The following PSTPIP2 variants were observed in gnomAD, a reference collection of about 807,000 sequenced individuals.
PSTPIP2 encodes proline-serine-threonine phosphatase interacting protein 2, also known as proline-serine-threonine phosphatase-interacting protein 2.
A neutral mutation model predicts 63.3 loss-of-function variants in PSTPIP2; 33 were observed. The ratio of observed to expected loss-of-function variants is 0.52; its 90% CI spans 0.40 to 0.70. PSTPIP2 has a LOEUF of 0.70. PSTPIP2 is among the 30% of genes least tolerant of loss of function. The pLI, the probability that PSTPIP2 is intolerant of heterozygous loss-of-function variation, is 0.00. For synonymous variants in PSTPIP2, 125 were observed against 132.7 expected, an observed-to-expected ratio of 0.94 and a Z score of 0.40; for missense variants, 312 against 400.7, an observed-to-expected ratio of 0.78 and a Z score of 1.89.
intron 2 of PSTPIP2, chr18:46,028,470 T>G (rs1599726711): frequency 1.6e-6 from 1 of 606,352 alleles, no homozygotes; most frequent in Non-Finnish European, 3.2e-6. Context: ...GGCCGTGGAG[T>G]GGTGCCTGGA....
chr18:46,028,768 C>T, intron 2 of PSTPIP2: 1 of 1,065,694 alleles, frequency 9.4e-7, no homozygotes, highest in Non-Finnish European at 1.5e-6. Context: ...AGAATTCCAG[C>T]ATGCCGTGGG....
chr18:46,021,137 G>T (rs1414218883), intron 3 of PSTPIP2, among the ~76,000 whole-genome samples: 3 of 152,154 alleles, frequency 2.0e-5, no homozygotes, highest in East Asian at 1.9e-4. Context: ...TGTCTAAGTT[G>T]ATGTAGTTTG....
chr18:45,987,845 C>T lies in PSTPIP2; in HGVS notation c.*8+857G>A, dbSNP rs78030335. The stretch of plus-strand genomic sequence containing the variant: ...GAGTGCCTAAGAAAAAGTCACCATG[C>T]AGTATATCTTTGCAGCTACAGTTGG... On this transcript the variant is annotated intron_variant, in intron 14 of 14. Coordinates refer to ENST00000409746, the MANE Select transcript of PSTPIP2 (RefSeq NM_024430.4). 7.9e-3 allele frequency among the ~76,000 whole-genome samples: 1,196 copies of T among 152,226 alleles called. 19 individuals are homozygous for T. Among genetic ancestry groups the T allele is most frequent in the African/African-American group, 0.027 (1,133 of 41,530 alleles).
intron 4 of PSTPIP2, among the ~76,000 whole-genome samples, chr18:46,012,583 G>T (rs2051810704): frequency 6.6e-6 from 1 of 152,086 alleles, no homozygotes; most frequent in African/African-American, 2.4e-5. Flanking sequence ...GACCATTCTG[G>T]CAACATGGTG....
chr18:45,998,607 T>C (rs533822275), intron 8 of PSTPIP2, among the ~76,000 whole-genome samples, 187 bp downstream of exon 8: 4 of 152,134 alleles, frequency 2.6e-5, no homozygotes, highest in African/African-American at 9.6e-5. Flanking sequence ...TTCTTTCCTT[T>C]CCTCCCTCCC....
chr18:46,028,952 C>A, intron 2 of PSTPIP2: 1 of 1,201,250 alleles, frequency 8.3e-7, no homozygotes, highest in Non-Finnish European at 1.2e-6. Flanking sequence ...GCTGAACGTC[C>A]TTCTGCTGCT....
At chr18:46,023,376 C>A (rs1485419199) in intron 3 of PSTPIP2, among the ~76,000 whole-genome samples, 1 of 152,082 alleles carries the variant, frequency 6.6e-6, no homozygotes, top group Non-Finnish European at 1.5e-5. Flanking sequence ...GCCTGACCAG[C>A]ATGGAGAAAC....
At chr18:46,042,561 C>CA (rs1908231144) in intron 1 of PSTPIP2, among the ~76,000 whole-genome samples, 2 of 152,130 alleles carry the variant, frequency 1.3e-5, no homozygotes, top group South Asian at 4.1e-4. Flanking sequence ...CATCCCCTCC[C>CA]AAAAAATCTT....
intron 2 of PSTPIP2, among the ~76,000 whole-genome samples, chr18:46,036,994 TAATA>T (rs1908004928): frequency 1.3e-5 from 2 of 152,184 alleles, no homozygotes; most frequent in South Asian, 2.1e-4. Context: ...GAACTCAAAA[TAATA>T]AATAAGGTAT....
At chr18:46,029,671 G>A in intron 2 of PSTPIP2, 1 of 717,338 alleles carries the variant, frequency 1.4e-6, no homozygotes, top group African/African-American at 1.8e-5. Context: ...ATTGGCAATT[G>A]CTTCAGGAAA....
chr18:46,061,979 T>C (rs984877505), intron 1 of PSTPIP2, among the ~76,000 whole-genome samples: 28 of 152,084 alleles, frequency 1.8e-4, no homozygotes, highest in Non-Finnish European at 3.7e-4. Context: ...CTTTCAATAG[T>C]AACATTCAAA....
intron 4 of PSTPIP2, among the ~76,000 whole-genome samples, chr18:46,012,511 A>C (rs777099467): frequency 1.3e-5 from 2 of 152,224 alleles, no homozygotes; most frequent in Non-Finnish European, 2.9e-5. Flanking sequence ...GCAGTGGCTC[A>C]CGCCTGTAAT....
chr18:46,005,629 T>C (rs2051717353), intron 5 of PSTPIP2, 98 bp from the exon 6 acceptor site: 1 of 861,438 alleles, frequency 1.2e-6, no homozygotes, highest in African/African-American at 1.8e-5. Context: ...GGGTTAAGTG[T>C]TCAAAATGAT....
In PSTPIP2 at chr18:45,998,877, A is replaced by T. The variant is rs765704554; in HGVS notation, c.517-38T>A. 3.7e-6 allele frequency: 6 copies of T among 1,612,762 alleles called. 1 individual carries two copies. The South Asian group carries it at 6.6e-5, about 18-fold the overall frequency. On this transcript the variant is annotated intron_variant, in intron 7 of 14. Transcript: ENST00000409746. Reference sequence around the variant, plus strand: ...ACAAACAAACAAAAAAAGAGCAAGCATTGGGAATGCTGGACGAGGCTTCCA... The same window carrying T: ...ACAAACAAACAAAAAAAGAGCAAGCTTTGGGAATGCTGGACGAGGCTTCCA...
In PSTPIP2 at chr18:46,008,436, C is replaced by T. The variant is rs190627624; in HGVS notation, c.354+2745G>A. 2.6e-3 allele frequency among the ~76,000 whole-genome samples: 327 copies of T among 126,592 alleles called. 4 individuals carry two copies. Among genetic ancestry groups the T allele is most frequent in the African/African-American group, 9.2e-3 (316 of 34,264 alleles). The allele number at this position is 126,592 out of a possible 152,430, so 83.0% of individuals were successfully genotyped here. On this transcript the variant is annotated intron_variant, in intron 5 of 14. Coordinates refer to ENST00000409746, the MANE Select transcript of PSTPIP2 (RefSeq NM_024430.4). ...AAGCAATTCTCCTGCCTCAGCTTCC[C>T]GAGTAACTGGGATTACAGGCATGAG...
intron 1 of PSTPIP2, among the ~76,000 whole-genome samples, chr18:46,063,992 G>A (rs2034353991): frequency 6.6e-6 from 1 of 152,152 alleles, no homozygotes; most frequent in Admixed American, 6.5e-5. Context: ...CATTCAGTAG[G>A]TATTACTGAG....
intron 10 of PSTPIP2, among the ~76,000 whole-genome samples, chr18:45,992,591 A>G (rs1480505482): frequency 2.0e-5 from 3 of 151,578 alleles, no homozygotes; most frequent in Non-Finnish European, 4.4e-5. Context: ...ACAAAAAAAC[A>G]TGGGTTTGAT....
Position 46,072,123 on chromosome 18 carries a change from G to A in PSTPIP2, c.33+33C>T, listed in dbSNP as rs1319838409. The A allele has an allele frequency of 2.0e-6, 3 of 1,526,688 alleles. No individual in the cohort carries two copies. The Admixed American group carries it at 6.2e-5, about 31-fold the overall frequency. The allele number at this position is 1,526,688 out of a possible 1,614,324, so 94.6% of individuals were successfully genotyped here. On this transcript the variant is annotated intron_variant, in intron 1 of 14. Transcript: ENST00000409746. ...GCCTCCCGCCCGGGCCGGGTCCTGA[G>A]CCCCGCGATCCGCTGTCGGCCCCAC...
Position 45,984,426 on chromosome 18 carries a change from C to A in PSTPIP2, c.*1033G>T, listed in dbSNP as rs2051447691. 1 of 152,156 alleles carries A rather than the reference C, an allele frequency of 6.6e-6. No homozygotes were observed. Among genetic ancestry groups the A allele is most frequent in the Non-Finnish European group, 1.5e-5 (1 of 68,036 alleles). The allele number at this position is 152,156 out of a possible 1,614,324, so 9.4% of individuals were successfully genotyped here. A position where few individuals can be genotyped will look rare whatever the true frequency, so the allele number is the denominator to read the frequency against. ...GTGTAAGACGGATGCATTTAAAATTCTGGGGTCTAGCAAGGGAAAGATTCT... is the reference window on the plus strand; with the variant it reads ...GTGTAAGACGGATGCATTTAAAATTATGGGGTCTAGCAAGGGAAAGATTCT... On this transcript the variant is annotated 3_prime_UTR_variant, in exon 15 of 15. Coordinates refer to ENST00000409746, the MANE Select transcript of PSTPIP2 (RefSeq NM_024430.4).
Sources: allele counts gnomAD v4.1 joint callset (sites outside exome capture counted in the v4.1 genomes callset), GRCh38; gene constraint gnomAD v4.1.1; transcripts MANE v1.5; gene names NCBI Gene and HGNC (gene_info 2026-07-23, HGNC 2026-07-21).